LINGO2: variants seen among roughly 807,000 people sequenced by gnomAD.
LINGO2 encodes the protein leucine rich repeat and Ig domain containing 2, also known as leucine-rich repeat and immunoglobulin-like domain-containing nogo receptor-interacting protein 2.
In LINGO2, 14 loss-of-function variants were observed where a neutral mutation model predicts 30.6. That is an observed-to-expected ratio of 0.46 (90% confidence interval 0.30 to 0.72). LINGO2 has a LOEUF of 0.72. Among genes scored for constraint, LINGO2 ranks in the 30% least tolerant of loss-of-function variants. The pLI, the probability that LINGO2 is intolerant of heterozygous loss-of-function variation, is 0.07. For missense variants in LINGO2, 729 were observed against 751.7 expected (o/e 0.97, Z 0.35); for synonymous variants, 317 against 288.5 (o/e 1.10, Z -1.00).
chr9:28,475,093 T>C (rs1474375614), intron 2 of LINGO2, among the ~76,000 whole-genome samples: 2 of 152,072 alleles, frequency 1.3e-5, no homozygotes, highest in Admixed American at 1.3e-4. Context: ...GAGAGCCAAT[T>C]AGTCTCTCAG....
At chr9:28,370,703 T>C (rs144003699) in intron 3 of LINGO2, among the ~76,000 whole-genome samples, 3 of 152,206 alleles carry the variant, frequency 2.0e-5, no homozygotes, top group Non-Finnish European at 4.4e-5. Flanking sequence ...TACAGAAAGG[T>C]TTCTATTCCA....
the LINGO2 span, among the ~76,000 whole-genome samples, chr9:28,724,353 G>C: frequency 6.6e-6 from 1 of 152,088 alleles, no homozygotes; most frequent in Non-Finnish European, 1.5e-5. Context: ...ATTGCCCAAG[G>C]GAAATATTGA....
intron 1 of LINGO2, among the ~76,000 whole-genome samples, chr9:28,482,162 T>C (rs1363433186): frequency 6.6e-6 from 1 of 152,024 alleles, no homozygotes; most frequent in East Asian, 1.9e-4. Flanking sequence ...CTGGGTCAAA[T>C]GGTATTTCTA....
intron 4 of LINGO2, among the ~76,000 whole-genome samples, chr9:28,127,842 A>G (rs763291604): frequency 2.0e-5 from 3 of 152,220 alleles, no homozygotes; most frequent in Non-Finnish European, 2.9e-5. Flanking sequence ...GATGTCAGAA[A>G]GACCTGGGTT....
chr9:28,356,978 T>C (rs946329595), intron 3 of LINGO2, among the ~76,000 whole-genome samples: 4 of 151,988 alleles, frequency 2.6e-5, no homozygotes, highest in African/African-American at 9.7e-5. Context: ...AAAGTAAAAA[T>C]GTTTATTAAT....
At chr9:28,458,581 T>A (rs1041985328) in intron 2 of LINGO2, among the ~76,000 whole-genome samples, 2 of 152,140 alleles carry the variant, frequency 1.3e-5, no homozygotes, top group Admixed American at 1.3e-4. Flanking sequence ...AAAAACTTGG[T>A]CATCCTCTCA....
chr9:27,981,551 G>GAAAAAGAA (rs1820865815), intron 5 of LINGO2, among the ~76,000 whole-genome samples: 1 of 87,144 alleles, frequency 1.1e-5, no homozygotes, highest in African/African-American at 4.2e-5. Flanking sequence ...AAAAAAAAAA[G>GAAAAAGAA]AAAAAAAAGA....
chr9:28,447,148 A>G (rs895728035), intron 2 of LINGO2, among the ~76,000 whole-genome samples: 2 of 152,122 alleles, frequency 1.3e-5, no homozygotes, highest in Non-Finnish European at 2.9e-5. Flanking sequence ...ATCTATCCCC[A>G]TATGACTCTG....
chr9:28,235,456 A>G (rs35554113), intron 4 of LINGO2, among the ~76,000 whole-genome samples: 11,296 of 152,218 alleles, frequency 0.074, 485 homozygotes, highest in African/African-American at 0.1. Flanking sequence ...ATAAGCATCA[A>G]CACTATCCAG....
the LINGO2 span, among the ~76,000 whole-genome samples, chr9:28,968,456 A>C: frequency 6.6e-6 from 1 of 152,142 alleles, no homozygotes; most frequent in Non-Finnish European, 1.5e-5. Flanking sequence ...TAAAAATCTC[A>C]TTGTAATGAA....
At chr9:28,540,363 C>T (rs1490143913) in intron 1 of LINGO2, among the ~76,000 whole-genome samples, 1 of 151,836 alleles carries the variant, frequency 6.6e-6, no homozygotes. Context: ...CAGGCTCAGG[C>T]GTTCCTCCCA....
chr9:28,813,269 T>C, the LINGO2 span, among the ~76,000 whole-genome samples: 2 of 152,282 alleles, frequency 1.3e-5, no homozygotes, highest in Non-Finnish European at 2.9e-5. Context: ...TGAAACTCAG[T>C]ACCAACCCTA....
intron 1 of LINGO2, among the ~76,000 whole-genome samples, chr9:28,559,888 T>C (rs1235919227): frequency 2.6e-5 from 4 of 152,042 alleles, no homozygotes; most frequent in African/African-American, 4.8e-5. Context: ...CAGAGAATAA[T>C]CCAGGGACTT....
chr9:29,027,078 A>G, the LINGO2 span, among the ~76,000 whole-genome samples: 1 of 152,218 alleles, frequency 6.6e-6, no homozygotes, highest in Non-Finnish European at 1.5e-5. Flanking sequence ...TAAATCAGTG[A>G]TTAGTGTGTA....
Position 27,979,985 on chromosome 9 carries a change from T to C in LINGO2, c.-35-29279A>G, listed in dbSNP as rs181686233. On this transcript the variant is annotated intron_variant, in intron 5 of 5. Coordinates refer to ENST00000379992, the Ensembl canonical transcript of LINGO2. ...CACCATCTCTCACCTATTATGGAGG[T>C]TGGATTCCGGTCCCATCCTGTATTG... Among the ~76,000 whole-genome samples, 3 of 151,944 alleles carry C rather than the reference T, an allele frequency of 2.0e-5. No individual in the cohort carries two copies. In the East Asian group the frequency reaches 5.8e-4, roughly 30 times the overall value.
At chr9:29,210,477 T>C in the LINGO2 span, among the ~76,000 whole-genome samples, 5 of 152,184 alleles carry the variant, frequency 3.3e-5, no homozygotes, top group African/African-American at 4.8e-5. Flanking sequence ...GTATCACTTT[T>C]TCACACCATA....
chr9:28,290,439 T>TA (rs1240009064), intron 4 of LINGO2, among the ~76,000 whole-genome samples: 1 of 152,162 alleles, frequency 6.6e-6, no homozygotes, highest in Non-Finnish European at 1.5e-5. Flanking sequence ...TATGGCAGAC[T>TA]AAAAGTGTTA....
intron 1 of LINGO2, among the ~76,000 whole-genome samples, chr9:28,625,459 T>A (rs1254267578): frequency 6.6e-6 from 1 of 152,156 alleles, no homozygotes; most frequent in Non-Finnish European, 1.5e-5. Flanking sequence ...ATTGCTCACC[T>A]GATTTTTGGT....
At chr9:28,817,959 T>C in the LINGO2 span, among the ~76,000 whole-genome samples, 15,052 of 152,194 alleles carry the variant, frequency 0.099, 814 homozygotes, top group African/African-American at 0.12. Flanking sequence ...TAGTCATTCT[T>C]CTCATATAAG....
Sources: gnomAD v4.1 joint callset for allele counts (sites outside exome capture counted in the v4.1 genomes callset) on GRCh38, gnomAD v4.1.1 for gene constraint, MANE v1.5 for transcripts, NCBI Gene and HGNC (gene_info 2026-07-23, HGNC 2026-07-21) for gene names.